The following PTBP3 variants were observed in gnomAD, a reference collection of about 807,000 sequenced individuals.
PTBP3 encodes the protein polypyrimidine tract binding protein 3.
PTBP3 carries 20 observed loss-of-function variants against 58.7 expected under a neutral mutation model. The observed-to-expected ratio is 0.34, with a 90% CI of 0.24 to 0.50. The LOEUF (loss-of-function observed/expected upper bound fraction) is 0.50, where lower values mean the gene tolerates loss of function less well. Ranked by LOEUF, PTBP3 falls within the 20% of genes least tolerant of loss-of-function variation. The probability of loss-of-function intolerance (pLI) is 0.98; values close to 1 mark genes in which losing one functional copy is unlikely to be tolerated. For missense variants in PTBP3, 509 were observed against 637.2 expected (o/e 0.80, Z 2.17); for synonymous variants, 185 against 219.8 (o/e 0.84, Z 1.40).
chr9:112,343,474 T>G, the PTBP3 span, among the ~76,000 whole-genome samples: 2 of 152,284 alleles, frequency 1.3e-5, no homozygotes, highest in East Asian at 1.9e-4. Context: ...TTTAAAAATT[T>G]TGTCAAGCAG....
chr9:112,363,482 A>G, the PTBP3 span, among the ~76,000 whole-genome samples: 6 of 148,318 alleles, frequency 4.0e-5, no homozygotes, highest in African/African-American at 1.5e-4. Context: ...TCCACACACC[A>G]ATGCACCTCA....
At chr9:112,302,582 C>CT (rs369208342) in intron 1 of PTBP3, among the ~76,000 whole-genome samples, 1,846 of 110,276 alleles carry the variant, frequency 0.017, 83 homozygotes, top group East Asian at 0.16. Flanking sequence ...TATTCTTCAT[C>CT]TTTTTTTTTT....
chr9:112,297,824 A>C lies in PTBP3; in HGVS notation c.34+8T>G, dbSNP rs766702409. On this transcript the variant is annotated splice_region_variant and intron_variant, in intron 2 of 13. Transcript: ENST00000374257. ...AAATCAAATATTAAAAAAAAAAAAA[A>C]AACTCACCATACACACCTGTAGAAG... 3.9e-5 allele frequency: 61 copies of C among 1,551,404 alleles called. 1 individual carries two copies. Among genetic ancestry groups the C allele is most frequent in the South Asian group, 2.7e-4 (22 of 81,038 alleles).
rs200204900 is a variant in PTBP3 at position 112,316,793 on chromosome 9, G to A, written c.-52+16677C>T. Among the ~76,000 whole-genome samples the A allele has an allele frequency of 2.7e-4, 41 of 151,892 alleles. No individual in the cohort carries two copies. In the East Asian group the frequency reaches 7.0e-3, roughly 26 times the overall value. On this transcript the variant is annotated intron_variant, in intron 1 of 13. Transcript: ENST00000374257. ...TCAAGAGTGGTGTGGCCAACATGGC[G>A]AAACACCGTCTCTACTAAAAATATA...
chr9:112,223,019 T>C lies in PTBP3; in HGVS notation c.*832A>G. ...ATAAAAAAGTAGTTTATAAGTAGGA[T>C]TATTTTTCTTTAAAATTTTCCAAGA... On this transcript the variant is annotated 3_prime_UTR_variant, in exon 14 of 14. Coordinates refer to ENST00000374257, the MANE Select transcript of PTBP3 (RefSeq NM_001163788.4). 1.2e-6 allele frequency: 1 copy of C among 848,666 alleles called. No homozygotes were observed. The allele number at this position is 848,666 out of a possible 1,614,324, so 52.6% of individuals were successfully genotyped here. A position where few individuals can be genotyped will look rare whatever the true frequency, so the allele number is the denominator to read the frequency against.
At chr9:112,294,215 A>AT (rs1828569039) in intron 2 of PTBP3, among the ~76,000 whole-genome samples, 1 of 152,202 alleles carries the variant, frequency 6.6e-6, no homozygotes, top group Non-Finnish European at 1.5e-5. Flanking sequence ...ATGATGAAGG[A>AT]TTATTATCAA....
chr9:112,281,782 A>G (rs1470774714), intron 2 of PTBP3, among the ~76,000 whole-genome samples: 1 of 152,042 alleles, frequency 6.6e-6, no homozygotes, highest in Non-Finnish European at 1.5e-5. Context: ...TCTTTCAAAG[A>G]ATTTGTGCAC....
At chr9:112,309,200 C>CTT (rs941696010) in intron 1 of PTBP3, among the ~76,000 whole-genome samples, 1 of 149,382 alleles carries the variant, frequency 6.7e-6, no homozygotes. Context: ...AATCCTAGAC[C>CTT]TTTTTTTTTT....
At chr9:112,303,625 G>A (rs1829043948) in intron 1 of PTBP3, among the ~76,000 whole-genome samples, 1 of 152,090 alleles carries the variant, frequency 6.6e-6, no homozygotes, top group Non-Finnish European at 1.5e-5. Context: ...CAGCACTTTG[G>A]GAGGCTGAGG....
chr9:112,268,999 C>A (rs1473883441), intron 3 of PTBP3, among the ~76,000 whole-genome samples: 1 of 151,904 alleles, frequency 6.6e-6, no homozygotes, highest in African/African-American at 2.4e-5. Context: ...AGTTCAAGGC[C>A]AGCCTGGCCA....
chr9:112,228,403 G>A lies in PTBP3; in HGVS notation c.1124C>T (p.Ala375Val), dbSNP rs1293131645. 6 of 1,605,062 alleles carry A rather than the reference G, an allele frequency of 3.7e-6. No homozygotes were observed. The highest frequency in any genetic ancestry group is 1.1e-5 in the South Asian group (1 of 89,126). ...ACCTAGCTGAGCTTGATTTGCATCC[G>A]CCATCTGAACCAAGGCATTTTCTTT... Reference protein sequence around the residue: ...NKKENALVQMADANQAQLAMN... With the variant: ...NKKENALVQMVDANQAQLAMN... Residue 375 changes from alanine to valine, a missense_variant, in exon 11 of 14, where the codon GCG becomes GTG. By Grantham distance (64) the Ala-to-Val change is moderately conservative (BLOSUM62 0). Coordinates refer to ENST00000374257, the MANE Select transcript of PTBP3 (RefSeq NM_001163788.4).
intron 2 of PTBP3, among the ~76,000 whole-genome samples, chr9:112,280,368 TTA>T (rs1827803318): frequency 3.3e-5 from 5 of 151,620 alleles, no homozygotes; most frequent in South Asian, 2.1e-4. Flanking sequence ...TGTTTATTTA[TTA>T]TTTTTTTTTT....
In PTBP3 at chr9:112,231,308, A is replaced by G. The variant is rs556387112; in HGVS notation, c.1054+72T>C. The G allele has an allele frequency of 6.5e-5, 81 of 1,250,192 alleles. No homozygotes were observed. The South Asian group carries it at 1.0e-3, about 15-fold the overall frequency. The allele number at this position is 1,250,192 out of a possible 1,614,324, so 77.4% of individuals were successfully genotyped here. A position where few individuals can be genotyped will look rare whatever the true frequency, so the allele number is the denominator to read the frequency against. Reference sequence around the variant, plus strand: ...CTTGGCACACAGAAGTAATCAATACATATTACTAAAAAAGTGAAATGTGCT... The same window carrying G: ...CTTGGCACACAGAAGTAATCAATACGTATTACTAAAAAAGTGAAATGTGCT... On this transcript the variant is annotated intron_variant, in intron 10 of 13. Transcript: ENST00000374257.
At position 112,272,383 on chromosome 9, in the gene PTBP3, T is replaced by C. The variant is rs1036860165; in HGVS notation, c.204+3461A>G. On this transcript the variant is annotated intron_variant, in intron 3 of 13. Coordinates refer to ENST00000374257, the MANE Select transcript of PTBP3 (RefSeq NM_001163788.4). The stretch of plus-strand genomic sequence containing the variant: ...CCCAGCCTTTGTCGCCCTATTTTAA[T>C]GATTAGTTATAAACTATAGACATTA... 1.8e-4 allele frequency among the ~76,000 whole-genome samples: 27 copies of C among 152,206 alleles called. 1 individual carries two copies. The highest frequency in any genetic ancestry group is 3.2e-3 in the Middle Eastern group (1 of 316).
chr9:112,303,873 A>ATCAG (rs967049480), intron 1 of PTBP3, among the ~76,000 whole-genome samples: 3 of 149,294 alleles, frequency 2.0e-5, no homozygotes, highest in African/African-American at 5.0e-5. Context: ...CAATCAATCA[A>ATCAG]TCAATACTAC....
intron 5 of PTBP3, 95 bp from the exon 6 acceptor site, chr9:112,252,883 A>G: frequency 1.3e-6 from 1 of 772,284 alleles, no homozygotes; most frequent in East Asian, 2.7e-5. Context: ...CTTTTAAATG[A>G]AAATTTTCTC....
chr9:112,354,777 TTTTA>T, the PTBP3 span, among the ~76,000 whole-genome samples: 1 of 152,170 alleles, frequency 6.6e-6, no homozygotes, highest in Non-Finnish European at 1.5e-5. Flanking sequence ...TCAAACATCT[TTTTA>T]TTTTTTTTAA....
At chr9:112,231,532 C>T (rs1044998766) in intron 9 of PTBP3, 119 bp from the exon 10 acceptor site, 33 of 717,034 alleles carry the variant, frequency 4.6e-5, no homozygotes, top group African/African-American at 2.2e-4. Flanking sequence ...ATGCTTCTTC[C>T]GTATATACTA....
At chr9:112,267,235 G>A (rs1223759797) in intron 4 of PTBP3, among the ~76,000 whole-genome samples, 1 of 149,638 alleles carries the variant, frequency 6.7e-6, no homozygotes, top group African/African-American at 2.5e-5. Flanking sequence ...GCACGGTCTC[G>A]GCTCACCGCA....
Sources: gnomAD v4.1 joint callset for allele counts (sites outside exome capture counted in the v4.1 genomes callset) on GRCh38, gnomAD v4.1.1 for gene constraint, MANE v1.5 for transcripts, NCBI Gene and HGNC (gene_info 2026-07-23, HGNC 2026-07-21) for gene names.